SUMO3: variants seen among roughly 807,000 people sequenced by gnomAD.
SUMO3 encodes small ubiquitin-related modifier 3.
Under a neutral mutation model 11.1 loss-of-function variants are expected in SUMO3, and 2 were observed. That is an observed-to-expected ratio of 0.18 (90% CI 0.07 to 0.57). SUMO3 has a LOEUF of 0.57. Ranked by LOEUF, SUMO3 falls within the 20% of genes least tolerant of loss-of-function variation. The pLI, the probability that SUMO3 is intolerant of heterozygous loss-of-function variation, is 0.92. For synonymous variants in SUMO3, 56 were observed against 53.5 expected (o/e 1.05, Z -0.20); for missense variants, 70 against 132.8 (o/e 0.53, Z 2.32).
At position 44,809,134 on chromosome 21, in the gene SUMO3, AG is replaced by A; in HGVS notation, c.151-17del. Reference sequence around the variant, plus strand: ...TTGACAAGCCCTGGAAAGGAAAAGCAGTGGCCATTAGTCTCACTGGCAAGCC... The same window carrying A: ...TTGACAAGCCCTGGAAAGGAAAAGCATGGCCATTAGTCTCACTGGCAAGCC... On this transcript the variant is annotated splice_polypyrimidine_tract_variant and intron_variant, in intron 2 of 3. Transcript: ENST00000332859. The A allele has an allele frequency of 6.2e-7, 1 of 1,612,980 alleles. No individual in the cohort carries two copies. The highest frequency in any genetic ancestry group is 8.5e-7 in the Non-Finnish European group (1 of 1,179,024).
Position 44,811,029 on chromosome 21 carries a change from C to T in SUMO3, c.151-1911G>A, listed in dbSNP as rs975864906. Among the ~76,000 whole-genome samples, 1 of 149,814 alleles carries T rather than the reference C, an allele frequency of 6.7e-6. No homozygotes were observed. The highest frequency in any genetic ancestry group is 2.0e-4 in the East Asian group (1 of 5,092). On this transcript the variant is annotated intron_variant, in intron 2 of 3. Transcript: ENST00000332859. This position sits in a 1 kb window ranked among gnomAD's most constrained non-coding sequence, Gnocchi z 5.0. ...ACACACCCACATATGCACACACGCACACACCCACATACACACACGCACACA... is the reference window on the plus strand; with the variant it reads ...ACACACCCACATATGCACACACGCATACACCCACATACACACACGCACACA...
intron 3 of SUMO3, chr21:44,808,375 T>C: frequency 1.7e-6 from 1 of 571,564 alleles, no homozygotes; most frequent in South Asian, 3.1e-5. Flanking sequence ...TAGCCGGGAG[T>C]GGTGGTGGGC....
In SUMO3 at chr21:44,807,163, C is replaced by G; in HGVS notation, c.223-123G>C. 8.0e-7 allele frequency: 1 copy of G among 1,243,886 alleles called. No homozygotes were observed. The highest frequency in any genetic ancestry group is 1.1e-6 in the Non-Finnish European group (1 of 898,500). 77.1% of individuals were successfully genotyped at this position (1,243,886 alleles called of 1,614,324 possible). ...ACACTAGCGACATCACCTGGTCACA[C>G]CTTGGCTCTTGTCCGTCCCCTCACT... is the stretch of plus-strand genomic sequence containing the variant. On this transcript the variant is annotated intron_variant, in intron 3 of 3. Transcript: ENST00000332859. This position sits in a 1 kb window ranked among gnomAD's most constrained non-coding sequence, Gnocchi z 4.3.
In SUMO3 at chr21:44,808,904, AAAAT is replaced by A. The variant is rs1350011404; in HGVS notation, c.222+139_222+142del. On this transcript the variant is annotated intron_variant, in intron 3 of 3. Transcript: ENST00000332859. ...TTGAAAATTTAAATTTAAAATGTGA[AAAAT>A]AAATAATCTAATAATCAATATCATT... 14 of 744,876 alleles carry A rather than the reference AAAAT, an allele frequency of 1.9e-5. No individual in the cohort carries two copies. The East Asian group carries it at 2.5e-4, about 13-fold the overall frequency. 46.1% of individuals were successfully genotyped at this position (744,876 alleles called of 1,614,324 possible).
rs2083179947 is a variant in SUMO3, at chr21:44,806,763, C to T, written c.*188G>A. 2 of 1,359,186 alleles carry T rather than the reference C, an allele frequency of 1.5e-6. No homozygotes were observed. Among genetic ancestry groups the T allele is most frequent in the Non-Finnish European group, 1.9e-6 (2 of 1,040,246 alleles). 84.2% of individuals were successfully genotyped at this position (1,359,186 alleles called of 1,614,324 possible). A position where few individuals can be genotyped will look rare whatever the true frequency, so the allele number is the denominator to read the frequency against. On this transcript the variant is annotated 3_prime_UTR_variant, in exon 4 of 4. Transcript: ENST00000332859. ...AACAAAGATAACAATTCTGATTGGCCCAATTTAAGTTACAGATTCATCCCT... is the reference window on the plus strand; with the variant it reads ...AACAAAGATAACAATTCTGATTGGCTCAATTTAAGTTACAGATTCATCCCT...
In SUMO3 at chr21:44,813,723, G is replaced by A. The variant is rs981785533; in HGVS notation, c.150+253C>T. On this transcript the variant is annotated intron_variant, in intron 2 of 3. Coordinates refer to ENST00000332859, the MANE Select transcript of SUMO3 (RefSeq NM_006936.3). ...GGAGAACACAGCACCCCGGGCAGCC[G>A]CCCTGTCAGGAAGAAAAACCCACCA... The A allele has an allele frequency of 7.0e-5, 87 of 1,235,388 alleles. No individual in the cohort carries two copies. In the East Asian group the frequency reaches 2.0e-3, roughly 28 times the overall value. 76.5% of individuals were successfully genotyped at this position (1,235,388 alleles called of 1,614,324 possible). A position where few individuals can be genotyped will look rare whatever the true frequency, so the allele number is the denominator to read the frequency against.
rs1406967913 is a variant in SUMO3 at position 44,806,767 on chromosome 21, T to A, written c.*184A>T. ...AAGATAACAATTCTGATTGGCCCAA[T>A]TTAAGTTACAGATTCATCCCTGCAG... On this transcript the variant is annotated 3_prime_UTR_variant, in exon 4 of 4. Coordinates refer to ENST00000332859, the MANE Select transcript of SUMO3 (RefSeq NM_006936.3). The A allele has an allele frequency of 7.3e-7, 1 of 1,373,330 alleles. No individual in the cohort carries two copies. Among genetic ancestry groups the A allele is most frequent in the African/African-American group, 1.5e-5 (1 of 67,866 alleles). The allele number at this position is 1,373,330 out of a possible 1,614,324, so 85.1% of individuals were successfully genotyped here. A position where few individuals can be genotyped will look rare whatever the true frequency, so the allele number is the denominator to read the frequency against.
rs1218926313 is a variant in SUMO3, at chr21:44,810,628, G to T, written c.151-1510C>A. Among the ~76,000 whole-genome samples the T allele has an allele frequency of 6.6e-6, 1 of 152,168 alleles. No homozygotes were observed. Among genetic ancestry groups the T allele is most frequent in the Non-Finnish European group, 1.5e-5 (1 of 68,014 alleles). ...CTCCAGATGCGCCTCCAGGAGGCTG[G>T]CCGGAGCCTGGAGGACTCAACTCTC... On this transcript the variant is annotated intron_variant, in intron 2 of 3. Transcript: ENST00000332859. This position sits in a 1 kb window ranked among gnomAD's most constrained non-coding sequence, Gnocchi z 4.1.
At chr21:44,814,812 G>A (rs1216088765) in intron 1 of SUMO3, among the ~76,000 whole-genome samples, 1 of 152,240 alleles carries the variant, frequency 6.6e-6, no homozygotes, top group East Asian at 1.9e-4. Flanking sequence ...AGCGGCAGTA[G>A]GTGGTACTAT....
rs557801169 is a variant in SUMO3, at chr21:44,817,642, C to A, written c.21+306G>T. The stretch of plus-strand genomic sequence containing the variant: ...GCGCCGCGCTCTGCAGGAGCAGCAG[C>A]GCGGGGCCCGACACCGGGCGCTCAA... On this transcript the variant is annotated intron_variant, in intron 1 of 3. Coordinates refer to ENST00000332859, the MANE Select transcript of SUMO3 (RefSeq NM_006936.3). 6.6e-5 allele frequency among the ~76,000 whole-genome samples: 10 copies of A among 150,770 alleles called. No individual in the cohort carries two copies. In the South Asian group the frequency reaches 1.9e-3, roughly 28 times the overall value.
In SUMO3 at chr21:44,807,496, G is replaced by A. The variant is rs985611133; in HGVS notation, c.223-456C>T. ...AAGCCCCCAGCTCACAGAAGGGCCC[G>A]TCAAGTGAGGGTCCATTGCCAGCTT... On this transcript the variant is annotated intron_variant, in intron 3 of 3. Transcript: ENST00000332859. This position sits in a 1 kb window ranked among gnomAD's most constrained non-coding sequence, Gnocchi z 4.3. Among the ~76,000 whole-genome samples, 5 of 152,106 alleles carry A rather than the reference G, an allele frequency of 3.3e-5. No homozygotes were observed. Among genetic ancestry groups the A allele is most frequent in the Admixed American group, 1.3e-4 (2 of 15,282 alleles).
At chr21:44,814,127 G>T (rs750782626) in intron 1 of SUMO3, 23 bp from the exon 2 acceptor site, 1 of 1,598,996 alleles carries the variant, frequency 6.3e-7, no homozygotes, top group Non-Finnish European at 8.6e-7. Flanking sequence ...CCAGAGACTG[G>T]CCTCAAAACT....
chr21:44,808,988 G>T, intron 3 of SUMO3, 59 bp downstream of exon 3: 1 of 1,412,566 alleles, frequency 7.1e-7, no homozygotes, highest in South Asian at 1.2e-5. Context: ...TATCCCAAAT[G>T]GCAGTTACCC....
chr21:44,812,292 CAA>C (rs2083217012), intron 2 of SUMO3, among the ~76,000 whole-genome samples: 1 of 151,906 alleles, frequency 6.6e-6, no homozygotes, highest in Admixed American at 6.6e-5. Flanking sequence ...CTCCTGACCT[CAA>C]GTCTTGAATT....
chr21:44,805,789 T>C lies in SUMO3; in HGVS notation c.*1162A>G, dbSNP rs1168530009. On this transcript the variant is annotated 3_prime_UTR_variant, in exon 4 of 4. Coordinates refer to ENST00000332859, the MANE Select transcript of SUMO3 (RefSeq NM_006936.3). ...AAGCAAGCAAGAGATGATGGGTCATTGTTCAGGTGACTGTAAAAAGGCAGA... is the reference window on the plus strand; with the variant it reads ...AAGCAAGCAAGAGATGATGGGTCATCGTTCAGGTGACTGTAAAAAGGCAGA... 6.6e-6 allele frequency: 1 copy of C among 152,592 alleles called. No homozygotes were observed. Among genetic ancestry groups the C allele is most frequent in the East Asian group, 1.9e-4 (1 of 5,194 alleles). 9.5% of individuals were successfully genotyped at this position (152,592 alleles called of 1,614,324 possible).
At chr21:44,814,775 C>G (rs947345843) in intron 1 of SUMO3, among the ~76,000 whole-genome samples, 4 of 152,170 alleles carry the variant, frequency 2.6e-5, no homozygotes, top group African/African-American at 9.7e-5. Flanking sequence ...CCTCCGAGTA[C>G]TTTCTGGTTT....
Position 44,811,026 on chromosome 21 carries a change from GCA to G in SUMO3, c.151-1910_151-1909del, listed in dbSNP as rs1466099043. 1.3e-5 allele frequency among the ~76,000 whole-genome samples: 1 copy of G among 79,722 alleles called. No homozygotes were observed. Among genetic ancestry groups the G allele is most frequent in the Non-Finnish European group, 2.8e-5 (1 of 35,210 alleles). The allele number at this position is 79,722 out of a possible 152,430, so 52.3% of individuals were successfully genotyped here. ...TGCACACACCCACATATGCACACAC[GCA>G]CACACCCACATACACACACGCACAC... On this transcript the variant is annotated intron_variant, in intron 2 of 3. Transcript: ENST00000332859. The surrounding 1 kb of genome is among the most constrained non-coding windows in gnomAD (Gnocchi z 5.0).
rs988863517 is a variant in SUMO3 at position 44,810,144 on chromosome 21, A to G, written c.151-1026T>C. Among the ~76,000 whole-genome samples, 1 of 152,218 alleles carries G rather than the reference A, an allele frequency of 6.6e-6. No homozygotes were observed. Among genetic ancestry groups the G allele is most frequent in the Non-Finnish European group, 1.5e-5 (1 of 68,036 alleles). ...GGGCAGAAACATTTCCTCAACGAGCAGTTTTGATTTAACTGAAACAGGACA... is the reference window on the plus strand; with the variant it reads ...GGGCAGAAACATTTCCTCAACGAGCGGTTTTGATTTAACTGAAACAGGACA... On this transcript the variant is annotated intron_variant, in intron 2 of 3. Transcript: ENST00000332859. This position sits in a 1 kb window ranked among gnomAD's most constrained non-coding sequence, Gnocchi z 4.1.
At position 44,811,456 on chromosome 21, in the gene SUMO3, C is replaced by T. The variant is rs1377461335; in HGVS notation, c.151-2338G>A. Among the ~76,000 whole-genome samples the T allele has an allele frequency of 6.6e-6, 1 of 152,040 alleles. No individual in the cohort carries two copies. The highest frequency in any genetic ancestry group is 2.4e-5 in the African/African-American group (1 of 41,352). On this transcript the variant is annotated intron_variant, in intron 2 of 3. Coordinates refer to ENST00000332859, the MANE Select transcript of SUMO3 (RefSeq NM_006936.3). The surrounding 1 kb of genome is among the most constrained non-coding windows in gnomAD (Gnocchi z 5.0). Reference sequence around the variant, plus strand: ...GCGTGGTGGCGTGTACCTGGAGTCCCACCTACTCGGGAGGCTGAGGTGGGA... The same window carrying T: ...GCGTGGTGGCGTGTACCTGGAGTCCTACCTACTCGGGAGGCTGAGGTGGGA...
Sources: gnomAD v4.1 joint callset for allele counts (sites outside exome capture counted in the v4.1 genomes callset) on GRCh38, gnomAD v4.1.1 for gene constraint, Gnocchi (gnomAD v3.1) non-coding constraint, MANE v1.5 for transcripts, NCBI Gene and HGNC (gene_info 2026-07-23, HGNC 2026-07-21) for gene names.